BTN3A3: variants seen among roughly 807,000 people sequenced by gnomAD.
BTN3A3 encodes butyrophilin 3.
A neutral mutation model predicts 43.2 loss-of-function variants in BTN3A3; 39 were observed. That is an observed-to-expected ratio of 0.90 (90% CI 0.70 to 1.18). The LOEUF (loss-of-function observed/expected upper bound fraction) is 1.18, where lower values mean the gene tolerates loss of function less well. Ranked by LOEUF, BTN3A3 falls within the 50% of genes most tolerant of loss-of-function variation. The pLI, the probability that BTN3A3 is intolerant of heterozygous loss-of-function variation, is 0.00. For missense variants in BTN3A3, 631 were observed against 722.8 expected, an observed-to-expected ratio of 0.87 and a Z score of 1.46; for synonymous variants, 255 against 272.7, an observed-to-expected ratio of 0.93 and a Z score of 0.64.
chr6:26,452,333 C>T lies in BTN3A3; in HGVS notation c.1677C>T (p.His559=). ...AEVTSLLLPA[H]PGAEVSPSAT... Reference sequence around the variant, plus strand: ...TAACATCTCTGCTTCTCCCTGCCCACCCTGGAGCTGAGGTCTCCCCTTCTG... The same window carrying T: ...TAACATCTCTGCTTCTCCCTGCCCATCCTGGAGCTGAGGTCTCCCCTTCTG... Residue 559 remains histidine, a synonymous_variant, in exon 11 of 11, where the codon CAC becomes CAT. Transcript: ENST00000244519. 2 of 1,612,570 alleles carry T rather than the reference C, an allele frequency of 1.2e-6. No individual in the cohort carries two copies. The highest frequency in any genetic ancestry group is 1.7e-6 in the Non-Finnish European group (2 of 1,180,014).
chr6:26,445,963 G>C lies in BTN3A3; in HGVS notation c.693G>C (p.Lys231Asn), dbSNP rs2113837116. The C allele has an allele frequency of 1.2e-6, 2 of 1,614,166 alleles. No homozygotes were observed. The highest frequency in any genetic ancestry group is 4.5e-5 in the East Asian group (2 of 44,880). ...GAAATTCCCTCCTCGGCCTGGAAAA[G>C]ACAGCCAGCATATCCATCGCAGGTC... ...IIRNSLLGLE[K>N]TASISIADPF... The change falls in exon 5 of 11, where the codon AAG becomes AAC. Residue 231 changes from lysine to asparagine, a missense_variant. Coordinates refer to ENST00000244519, the MANE Select transcript of BTN3A3 (RefSeq NM_006994.5).
rs561690569 is a variant in BTN3A3 at position 26,446,828 on chromosome 6, G to A, written c.715+843G>A. Among the ~76,000 whole-genome samples, 72 of 152,122 alleles carry A rather than the reference G, an allele frequency of 4.7e-4. 1 individual carries two copies. The East Asian group carries it at 0.011, about 24-fold the overall frequency. ...ACTGCAACCTCCTCCTCCTGGGTTC[G>A]AGAGAGCCTCCTGTCTCAGCCTCCC... On this transcript the variant is annotated intron_variant, in intron 5 of 10. Coordinates refer to ENST00000244519, the MANE Select transcript of BTN3A3 (RefSeq NM_006994.5).
In BTN3A3 at chr6:26,444,013, G is replaced by T. The variant is rs376102561; in HGVS notation, c.142G>T (p.Ala48Ser). ...GPILAMVGED[A>S]DLPCHLFPTM... ...CATCCTGGCCATGGTGGGTGAAGAC[G>T]CTGATCTGCCCTGTCACCTGTTCCC... Residue 48 changes from alanine to serine, a missense_variant, in exon 4 of 11, where the codon GCT becomes TCT. Transcript: ENST00000244519. 26 of 1,613,838 alleles carry T rather than the reference G, an allele frequency of 1.6e-5. No individual in the cohort carries two copies. The African/African-American group carries it at 3.3e-4, about 21-fold the overall frequency.
chr6:26,442,456 A>T (rs985497392), intron 1 of BTN3A3, among the ~76,000 whole-genome samples: 1 of 152,212 alleles, frequency 6.6e-6, no homozygotes, highest in Non-Finnish European at 1.5e-5. Flanking sequence ...ATCTATAAAT[A>T]TGCAGAAATG....
rs188971098 is a variant in BTN3A3, at chr6:26,443,900, C to T, written c.86-57C>T. The T allele has an allele frequency of 3.4e-5, 55 of 1,613,766 alleles. No individual in the cohort carries two copies. The East Asian group carries it at 1.0e-3, about 29-fold the overall frequency. On this transcript the variant is annotated intron_variant, in intron 3 of 10. Coordinates refer to ENST00000244519, the MANE Select transcript of BTN3A3 (RefSeq NM_006994.5). ...CCTTCCCTGTCTGAGAAGGACCCTT[C>T]CTCTCGTGACCCCAACTCCAAAACC...
rs201968625 is a variant in BTN3A3, at chr6:26,452,333, C to G, written c.1677C>G (p.His559Gln). ...AEVTSLLLPAHPGAEVSPSAT... is the reference protein window; with the variant it reads ...AEVTSLLLPAQPGAEVSPSAT... Reference sequence around the variant, plus strand: ...TAACATCTCTGCTTCTCCCTGCCCACCCTGGAGCTGAGGTCTCCCCTTCTG... The same window carrying G: ...TAACATCTCTGCTTCTCCCTGCCCAGCCTGGAGCTGAGGTCTCCCCTTCTG... Residue 559 changes from histidine (H) to glutamine (Q), a missense_variant, in exon 11 of 11, where the codon CAC (histidine) becomes CAG (glutamine). Around this residue, in one of 2 missense-constraint regions of BTN3A3, gnomAD observed 551 missense variants for 584.0 expected, o/e 0.94. Transcript: ENST00000244519. 47 of 1,612,570 alleles carry G rather than the reference C, an allele frequency of 2.9e-5. No homozygotes were observed. Among genetic ancestry groups the G allele is most frequent in the South Asian group, 1.3e-4 (12 of 91,078 alleles).
intron 5 of BTN3A3, 60 bp from the exon 6 acceptor site, chr6:26,448,188 G>C (rs997536571): frequency 1.3e-6 from 2 of 1,577,480 alleles, no homozygotes; most frequent in Admixed American, 1.8e-5. Context: ...AGCTTGGGGT[G>C]CTGAGGCTGG....
intron 4 of BTN3A3, 81 bp from the exon 5 acceptor site, chr6:26,445,623 G>A (rs906519430): frequency 1.0e-5 from 15 of 1,482,410 alleles, no homozygotes; most frequent in African/African-American, 1.4e-5. Context: ...ATTATCAAAT[G>A]TGAGTCTGCC....
At chr6:26,451,258 C>T (rs745384647) in intron 10 of BTN3A3, among the ~76,000 whole-genome samples, 6 of 152,104 alleles carry the variant, frequency 3.9e-5, no homozygotes, top group Non-Finnish European at 8.8e-5. Context: ...GATGAGGCTC[C>T]ACCTTGTTAA....
intron 10 of BTN3A3, among the ~76,000 whole-genome samples, chr6:26,450,630 A>G (rs527713608): frequency 3.3e-5 from 5 of 152,194 alleles, no homozygotes; most frequent in Non-Finnish European, 7.3e-5. Context: ...ATAAATATCC[A>G]CTGGTCAAAA....
At chr6:26,442,815 T>A (rs1056666101) in intron 1 of BTN3A3, among the ~76,000 whole-genome samples, 1 of 152,242 alleles carries the variant, frequency 6.6e-6, no homozygotes, top group Non-Finnish European at 1.5e-5. Context: ...CATGATATTG[T>A]ATGAATCAAT....
chr6:26,451,946 A>T lies in BTN3A3; in HGVS notation c.1290A>T (p.Gly430=). ...GGGTCAAAATGACACCGGAGAACGGATACTGGACTATGGGCCTGACTGATG... is the reference window on the plus strand; with the variant it reads ...GGGTCAAAATGACACCGGAGAACGGTTACTGGACTATGGGCCTGACTGATG... ...KGWVKMTPEN[G]YWTMGLTDGN... Residue 430 remains glycine (G), a synonymous_variant, in exon 11 of 11, where the codon GGA becomes GGT. Transcript: ENST00000244519. 6.2e-7 allele frequency: 1 copy of T among 1,614,142 alleles called. No individual in the cohort carries two copies. Among genetic ancestry groups the T allele is most frequent in the South Asian group, 1.1e-5 (1 of 91,086 alleles).
chr6:26,444,066 G>A lies in BTN3A3; in HGVS notation c.195G>A (p.Leu65=). Residue 65 remains leucine, a synonymous_variant, in exon 4 of 11, where the codon CTG becomes CTA. Coordinates refer to ENST00000244519, the MANE Select transcript of BTN3A3 (RefSeq NM_006994.5). Reference sequence around the variant, plus strand: ...CCATGAGTGCAGAGACCATGGAGCTGAGGTGGGTGAGTTCCAGCCTAAGGC... The same window carrying A: ...CCATGAGTGCAGAGACCATGGAGCTAAGGTGGGTGAGTTCCAGCCTAAGGC... The part of the protein sequence containing the change: ...FPTMSAETME[L]RWVSSSLRQV... 1 of 1,614,000 alleles carries A rather than the reference G, an allele frequency of 6.2e-7. No homozygotes were observed. Among genetic ancestry groups the A allele is most frequent in the Middle Eastern group, 1.7e-4 (1 of 6,054 alleles).
chr6:26,448,435 A>T lies in BTN3A3; in HGVS notation c.903A>T (p.Glu301Asp). The stretch of plus-strand genomic sequence containing the variant: ...TGGGATACGCTGCAACAGAGCAAGA[A>T]ATAAGCCTAAGAGGTATCCAACGCA... Reference protein sequence around the residue: ...KEMGYAATEQEISLREKLQEE... With the variant: ...KEMGYAATEQDISLREKLQEE... Residue 301 changes from glutamate to aspartate, a missense_variant, in exon 6 of 11, where the codon GAA becomes GAT. Transcript: ENST00000244519. The T allele has an allele frequency of 6.2e-7, 1 of 1,613,858 alleles. No homozygotes were observed. Among genetic ancestry groups the T allele is most frequent in the Non-Finnish European group, 8.5e-7 (1 of 1,179,906 alleles).
rs1378377301 is a variant in BTN3A3 at position 26,444,086 on chromosome 6, T to C, written c.215T>C (p.Leu72Pro). The C allele has an allele frequency of 6.2e-7, 1 of 1,613,902 alleles. No individual in the cohort carries two copies. Among genetic ancestry groups the C allele is most frequent in the East Asian group, 2.2e-5 (1 of 44,882 alleles). The change falls in exon 4 of 11, where the codon CTA (leucine) becomes CCA (proline). Residue 72 changes from leucine to proline, a missense_variant. Around this residue, in one of 2 missense-constraint regions of BTN3A3, gnomAD observed 80 missense variants for 138.7 expected, o/e 0.58. Transcript: ENST00000244519. ...GAGCTGAGGTGGGTGAGTTCCAGCCTAAGGCAGGTGGTGAACGTGTATGCA... is the reference window on the plus strand; with the variant it reads ...GAGCTGAGGTGGGTGAGTTCCAGCCCAAGGCAGGTGGTGAACGTGTATGCA... ...TMELRWVSSS[L>P]RQVVNVYADG...
chr6:26,451,557 G>A, intron 10 of BTN3A3, 118 bp from the exon 11 acceptor site: 4 of 1,481,874 alleles, frequency 2.7e-6, no homozygotes, highest in Non-Finnish European at 3.6e-6. Context: ...TTTAGAGCAG[G>A]CTAGGGACGC....
At chr6:26,449,356 A>G (rs1762866369) in intron 8 of BTN3A3, 4 of 368,024 alleles carry the variant, frequency 1.1e-5, no homozygotes, top group South Asian at 5.3e-5. Flanking sequence ...ACTCCTAGAC[A>G]TACACATATA....
chr6:26,448,047 T>TA (rs1217531417), intron 5 of BTN3A3, among the ~76,000 whole-genome samples: 3 of 152,276 alleles, frequency 2.0e-5, no homozygotes, highest in Admixed American at 6.5e-5. Flanking sequence ...CCTCTCAAGA[T>TA]AGTAATAGTA....
intron 1 of BTN3A3, among the ~76,000 whole-genome samples, chr6:26,441,465 C>A (rs748002387): frequency 6.6e-6 from 1 of 151,810 alleles, no homozygotes; most frequent in Non-Finnish European, 1.5e-5. Context: ...TATTTAACAA[C>A]CTCAGACATA....
Sources: allele counts gnomAD v4.1 joint callset (sites outside exome capture counted in the v4.1 genomes callset), GRCh38; gene constraint gnomAD v4.1.1; regional missense constraint gnomAD v4.1.1; transcripts MANE v1.5; gene names NCBI Gene and HGNC (gene_info 2026-07-23, HGNC 2026-07-21).